DAPK1: variants seen among roughly 807,000 people sequenced by gnomAD.
The protein encoded by DAPK1 is death-associated protein kinase 1.
A neutral mutation model predicts 144.9 loss-of-function variants in DAPK1; 56 were observed. That is an observed-to-expected ratio of 0.39 (90% confidence interval 0.31 to 0.48). The LOEUF (loss-of-function observed/expected upper bound fraction) is 0.48, where lower values mean the gene tolerates loss of function less well. Ranked by LOEUF, DAPK1 falls within the 20% of genes least tolerant of loss-of-function variation. DAPK1 has a pLI of 0.95. For missense variants in DAPK1, 1,454 were observed against 1,875.4 expected, an observed-to-expected ratio of 0.78 and a Z score of 4.15; for synonymous variants, 690 against 749.0, an observed-to-expected ratio of 0.92 and a Z score of 1.29.
intron 15 of DAPK1, among the ~76,000 whole-genome samples, 193 bp downstream of exon 15, chr9:87,649,072 C>G (rs1830359178): frequency 6.6e-6 from 1 of 152,220 alleles, no homozygotes; most frequent in African/African-American, 2.4e-5. Context: ...ATGCCAGGAT[C>G]AGGTCTAACC....
intron 19 of DAPK1, among the ~76,000 whole-genome samples, chr9:87,675,096 G>C (rs1451193446): frequency 1.3e-5 from 2 of 152,140 alleles, no homozygotes; most frequent in Non-Finnish European, 2.9e-5. Context: ...CCCACTGCCT[G>C]CTTCTGTAAA....
intron 21 of DAPK1, among the ~76,000 whole-genome samples, chr9:87,694,062 C>G (rs971395969): frequency 3.9e-5 from 6 of 152,076 alleles, no homozygotes; most frequent in African/African-American, 1.4e-4. Context: ...ACAGCTTGCT[C>G]AAGTGCTGGT....
chr9:87,555,444 A>G (rs776457975), intron 2 of DAPK1, among the ~76,000 whole-genome samples: 6 of 150,654 alleles, frequency 4.0e-5, no homozygotes, highest in Admixed American at 2.0e-4. Context: ...TAGTAACACA[A>G]ACAACAACAG....
chr9:87,642,970 T>C (rs1454310933), intron 10 of DAPK1, among the ~76,000 whole-genome samples: 3 of 152,180 alleles, frequency 2.0e-5, no homozygotes, highest in African/African-American at 7.2e-5. Flanking sequence ...TCACTGCTTA[T>C]GTGGCACAAA....
intron 19 of DAPK1, among the ~76,000 whole-genome samples, chr9:87,669,766 G>C (rs973198081): frequency 1.3e-5 from 2 of 151,784 alleles, no homozygotes; most frequent in South Asian, 2.1e-4. Flanking sequence ...CCAGGGGCAG[G>C]GGGGGGCCAC....
At chr9:87,613,640 A>G (rs1829002325) in intron 3 of DAPK1, among the ~76,000 whole-genome samples, 1 of 152,244 alleles carries the variant, frequency 6.6e-6, no homozygotes, top group Non-Finnish European at 1.5e-5. Flanking sequence ...GAGCCTTTGA[A>G]GAAACACATG....
At chr9:87,699,007 A>T (rs953715865) in intron 23 of DAPK1, among the ~76,000 whole-genome samples, 1 of 152,096 alleles carries the variant, frequency 6.6e-6, no homozygotes, top group African/African-American at 2.4e-5. Flanking sequence ...ATTTGTTTGG[A>T]TTTTAATATA....
intron 19 of DAPK1, among the ~76,000 whole-genome samples, chr9:87,681,176 G>C (rs947347341): frequency 1.3e-5 from 2 of 151,918 alleles, no homozygotes; most frequent in Non-Finnish European, 2.9e-5. Flanking sequence ...TACTCGGGAG[G>C]CTGAGGCAGG....
intron 19 of DAPK1, among the ~76,000 whole-genome samples, chr9:87,679,781 A>C (rs1311586701): frequency 6.6e-6 from 1 of 152,144 alleles, no homozygotes. Flanking sequence ...CAGATGGAAA[A>C]AGAAGAAAGT....
chr9:87,612,620 A>G (rs10868639), intron 3 of DAPK1, among the ~76,000 whole-genome samples: 15,279 of 152,282 alleles, frequency 0.1, 1,002 homozygotes, highest in South Asian at 0.24. Flanking sequence ...AACAGAAACT[A>G]GATTTCCTGG....
chr9:87,686,680 A>G lies in DAPK1; in HGVS notation c.2354A>G (p.His785Arg), dbSNP rs1824871793. Reference sequence around the variant, plus strand: ...TTTGTGGCCCCGACCCACCACCCGCACTGCTCGGCCGATGACCAGTCCACC... The same window carrying G: ...TTTGTGGCCCCGACCCACCACCCGCGCTGCTCGGCCGATGACCAGTCCACC... ...EVFVAPTHHP[H>R]CSADDQSTKA... The change falls in exon 21 of 26, where the codon CAC becomes CGC. Residue 785 changes from histidine to arginine, a missense_variant. This residue lies in a region of DAPK1 where 1,025 missense variants were observed against 1,237.9 expected (regional missense o/e 0.83). Transcript: ENST00000408954. The surrounding 1 kb of genome is among the most constrained non-coding windows in gnomAD (Gnocchi z 4.2). 1 of 1,613,452 alleles carries G rather than the reference A, an allele frequency of 6.2e-7. No individual in the cohort carries two copies. The highest frequency in any genetic ancestry group is 1.7e-5 in the Admixed American group (1 of 59,984).
chr9:87,611,999 G>A (rs1193860123), intron 3 of DAPK1, among the ~76,000 whole-genome samples: 1 of 152,214 alleles, frequency 6.6e-6, no homozygotes, highest in African/African-American at 2.4e-5. Flanking sequence ...GAGGCAGGAA[G>A]TACATTTTGC....
intron 15 of DAPK1, among the ~76,000 whole-genome samples, chr9:87,649,638 T>C (rs1830378233): frequency 6.6e-6 from 1 of 152,158 alleles, no homozygotes; most frequent in Non-Finnish European, 1.5e-5. Context: ...CGAAAGTCAA[T>C]TGTCAGTCAT....
chr9:87,702,941 T>C, intron 24 of DAPK1, 88 bp from the exon 25 acceptor site: 1 of 658,004 alleles, frequency 1.5e-6, no homozygotes, highest in Non-Finnish European at 2.8e-6. Flanking sequence ...GCAAGGCGCC[T>C]GAATGAAAGG....
intron 19 of DAPK1, among the ~76,000 whole-genome samples, chr9:87,677,710 T>C (rs1007394): frequency 0.38 from 57,755 of 152,100 alleles, 12,928 homozygotes; most frequent in Middle Eastern, 0.62. Context: ...GCATCTACCC[T>C]GTGGGATGCT....
chr9:87,497,950 G>A lies in DAPK1; in HGVS notation c.-266G>A, dbSNP rs1824233224. 2.5e-6 allele frequency: 1 copy of A among 396,656 alleles called. No homozygotes were observed. The highest frequency in any genetic ancestry group is 2.1e-5 in the African/African-American group (1 of 48,576). The allele number at this position is 396,656 out of a possible 1,614,324, so 24.6% of individuals were successfully genotyped here. On this transcript the variant is annotated 5_prime_UTR_variant, in exon 1 of 26. Transcript: ENST00000408954. The stretch of plus-strand genomic sequence containing the variant: ...CGCGGAGGGGACTCGGCAACTCGCA[G>A]CGGCAGGGTCTGGGGCCGGCGCCTG...
At chr9:87,696,649 C>T (rs1396981521) in intron 21 of DAPK1, among the ~76,000 whole-genome samples, 2 of 152,146 alleles carry the variant, frequency 1.3e-5, no homozygotes, top group Non-Finnish European at 1.5e-5. Flanking sequence ...CATCAATCCA[C>T]GTTCTCAGGA....
intron 14 of DAPK1, 117 bp downstream of exon 14, chr9:87,647,520 C>A (rs531610368): frequency 4.9e-6 from 4 of 813,528 alleles, no homozygotes; most frequent in Non-Finnish European, 8.4e-6. Context: ...GACCAGAATT[C>A]ACCTGCAGAA....
At chr9:87,610,737 A>C (rs1376431952) in intron 3 of DAPK1, among the ~76,000 whole-genome samples, 2 of 152,232 alleles carry the variant, frequency 1.3e-5, no homozygotes, top group African/African-American at 4.8e-5. Context: ...TGGAGCCCTG[A>C]GGCCCCACCC....
Sources: allele counts gnomAD v4.1 joint callset (sites outside exome capture counted in the v4.1 genomes callset), GRCh38; gene constraint gnomAD v4.1.1; regional missense constraint gnomAD v4.1.1; non-coding constraint Gnocchi (gnomAD v3.1); transcripts MANE v1.5; gene names NCBI Gene and HGNC (gene_info 2026-07-23, HGNC 2026-07-21).